GOLGA4: variants seen among roughly 807,000 people sequenced by gnomAD.
GOLGA4 encodes golgin subfamily A member 4.
In GOLGA4, 169 loss-of-function variants were observed where a neutral mutation model predicts 265.9. The ratio of observed to expected loss-of-function variants is 0.64; its 90% CI spans 0.56 to 0.72. GOLGA4 has a LOEUF of 0.72. Among genes scored for constraint, GOLGA4 ranks in the 30% least tolerant of loss-of-function variants. GOLGA4 has a pLI of 0.00. For missense variants in GOLGA4, 2,482 were observed against 2,483.4 expected, an observed-to-expected ratio of 1.00 and a Z score of 0.01; for synonymous variants, 923 against 855.8, an observed-to-expected ratio of 1.08 and a Z score of -1.37.
chr3:37,366,236 G>A lies in GOLGA4; in HGVS notation c.*190G>A, dbSNP rs2151108470. ...AAATCTGGCCCACAGATAAGTTGCA[G>A]ACTGCCTTTAAAATAGATTTTATCA... On this transcript the variant is annotated 3_prime_UTR_variant, in exon 24 of 24. Transcript: ENST00000361924. 3 of 573,742 alleles carry A rather than the reference G, an allele frequency of 5.2e-6. No homozygotes were observed. The highest frequency in any genetic ancestry group is 6.4e-5 in the South Asian group (2 of 31,142). The allele number at this position is 573,742 out of a possible 1,614,324, so 35.5% of individuals were successfully genotyped here. A position where few individuals can be genotyped will look rare whatever the true frequency, so the allele number is the denominator to read the frequency against.
At chr3:37,258,114 G>A (rs1578375080) in intron 2 of GOLGA4, among the ~76,000 whole-genome samples, 1 of 132,446 alleles carries the variant, frequency 7.6e-6, no homozygotes, top group South Asian at 2.3e-4. Flanking sequence ...ATATATATAT[G>A]TGTGTATATA....
At chr3:37,354,479 C>T (rs539600173) in intron 21 of GOLGA4, among the ~76,000 whole-genome samples, 6 of 152,042 alleles carry the variant, frequency 3.9e-5, no homozygotes, top group Admixed American at 2.6e-4. Flanking sequence ...GTCTGACTTA[C>T]GGTATATTTA....
At chr3:37,314,386 A>G (rs1337879096) in intron 10 of GOLGA4, among the ~76,000 whole-genome samples, 1 of 152,010 alleles carries the variant, frequency 6.6e-6, no homozygotes, top group African/African-American at 2.4e-5. Context: ...CATGCCTGTA[A>G]TTCCAGAACT....
chr3:37,365,446 T>G (rs1696676126), intron 23 of GOLGA4, among the ~76,000 whole-genome samples: 1 of 152,154 alleles, frequency 6.6e-6, no homozygotes, highest in African/African-American at 2.4e-5. Flanking sequence ...TTTTGTATTT[T>G]TAGTAGAGAC....
At chr3:37,343,392 A>T (rs967519388) in intron 20 of GOLGA4, among the ~76,000 whole-genome samples, 1 of 151,776 alleles carries the variant, frequency 6.6e-6, no homozygotes, top group African/African-American at 2.4e-5. Context: ...AAGTGCTGGG[A>T]TTACAGACGT....
intron 10 of GOLGA4, among the ~76,000 whole-genome samples, chr3:37,315,196 G>A (rs1489072432): frequency 6.6e-6 from 1 of 152,172 alleles, no homozygotes; most frequent in Non-Finnish European, 1.5e-5. Flanking sequence ...ATATAAACAA[G>A]TCTTAATATC....
At chr3:37,338,749 C>G (rs1462513400) in intron 19 of GOLGA4, among the ~76,000 whole-genome samples, 1 of 152,160 alleles carries the variant, frequency 6.6e-6, no homozygotes. Flanking sequence ...CCCATTACCT[C>G]CTCCCCGTAA....
At chr3:37,333,584 C>G (rs2096998826) in intron 16 of GOLGA4, among the ~76,000 whole-genome samples, 1 of 152,070 alleles carries the variant, frequency 6.6e-6, no homozygotes, top group African/African-American at 2.4e-5. Context: ...AAATAAGTAG[C>G]TATAGAGGTT....
At chr3:37,313,859 G>C (rs2096929677) in intron 10 of GOLGA4, among the ~76,000 whole-genome samples, 1 of 152,118 alleles carries the variant, frequency 6.6e-6, no homozygotes, top group South Asian at 2.1e-4. Flanking sequence ...AAGTGGAGGA[G>C]TGTACTGAAT....
rs2096969972 is a variant in GOLGA4, at chr3:37,326,102, G to A, written c.4216G>A (p.Glu1406Lys). The A allele has an allele frequency of 6.2e-7, 1 of 1,613,482 alleles. No individual in the cohort carries two copies. Among genetic ancestry groups the A allele is most frequent in the Non-Finnish European group, 8.5e-7 (1 of 1,179,626 alleles). ...ATCACTAAGAAAGCAGTATGATGAA[G>A]AAAAATGTGAATTGCTGGATCAGGT... is the stretch of plus-strand genomic sequence containing the variant. Reference protein sequence around the residue: ...ISSLRKQYDEEKCELLDQVQD... With the variant: ...ISSLRKQYDEKKCELLDQVQD... The change falls in exon 14 of 24, where the codon GAA (glutamate) becomes AAA (lysine). Residue 1406 changes from glutamate (E) to lysine (K), a missense_variant. Coordinates refer to ENST00000361924, the MANE Select transcript of GOLGA4 (RefSeq NM_002078.5).
At chr3:37,276,526 C>A in intron 2 of GOLGA4, 2 of 1,604,312 alleles carry the variant, frequency 1.2e-6, no homozygotes, top group South Asian at 1.1e-5. Flanking sequence ...AGGTACAAAC[C>A]CGTAGTGCTG....
At chr3:37,301,138 C>T (rs1035834251) in intron 9 of GOLGA4, among the ~76,000 whole-genome samples, 4 of 152,154 alleles carry the variant, frequency 2.6e-5, no homozygotes, top group Admixed American at 6.5e-5. Flanking sequence ...ATCTTAAGAC[C>T]ATGAAATTGT....
rs139065077 is a variant in GOLGA4, at chr3:37,344,004, A to G, written c.6473-3189A>G. Among the ~76,000 whole-genome samples the G allele has an allele frequency of 1.4e-3, 212 of 152,314 alleles. 1 individual carries two copies. The highest frequency in any genetic ancestry group is 5.0e-3 in the African/African-American group (207 of 41,564). On this transcript the variant is annotated intron_variant, in intron 20 of 23. Coordinates refer to ENST00000361924, the MANE Select transcript of GOLGA4 (RefSeq NM_002078.5). ...ATTTCTTGTGCATATATTAATTGGA[A>G]TTCTTCTATAAATAGGAACTTTTCC...
chr3:37,290,788 A>G (rs551731638), intron 5 of GOLGA4, among the ~76,000 whole-genome samples: 1 of 152,242 alleles, frequency 6.6e-6, no homozygotes, highest in South Asian at 2.1e-4. Flanking sequence ...GTATGCAACA[A>G]AGGGGTTGTA....
chr3:37,292,438 A>G (rs535322987), intron 5 of GOLGA4, among the ~76,000 whole-genome samples: 2 of 152,316 alleles, frequency 1.3e-5, no homozygotes, highest in East Asian at 3.9e-4. Flanking sequence ...CTGTAATCCC[A>G]GCACTTTGGG....
intron 12 of GOLGA4, 44 bp downstream of exon 12, chr3:37,319,238 G>T: frequency 6.8e-7 from 1 of 1,480,294 alleles, no homozygotes; most frequent in South Asian, 1.3e-5. Context: ...ATACTTCTCA[G>T]AGTTACAAAG....
intron 13 of GOLGA4, 109 bp from the exon 14 acceptor site, chr3:37,323,479 T>C: frequency 1.5e-6 from 1 of 659,886 alleles, no homozygotes; most frequent in South Asian, 2.2e-5. Flanking sequence ...TTCTAGTGTT[T>C]GGTATGATAA....
At chr3:37,361,739 G>A (rs1696289213) in intron 23 of GOLGA4, among the ~76,000 whole-genome samples, 1 of 152,166 alleles carries the variant, frequency 6.6e-6, no homozygotes, top group Non-Finnish European at 1.5e-5. Context: ...CCTGAGTCAA[G>A]GCCAGTCAGA....
At chr3:37,294,095 G>T (rs1463665232) in intron 5 of GOLGA4, among the ~76,000 whole-genome samples, 2 of 152,126 alleles carry the variant, frequency 1.3e-5, no homozygotes, top group African/African-American at 2.4e-5. Context: ...TAAAATGAAC[G>T]GGTAATTACT....
Sources: allele counts gnomAD v4.1 joint callset (sites outside exome capture counted in the v4.1 genomes callset), GRCh38; gene constraint gnomAD v4.1.1; transcripts MANE v1.5; gene names NCBI Gene and HGNC (gene_info 2026-07-23, HGNC 2026-07-21).